The following LDB2 variants were observed in gnomAD, a reference collection of about 807,000 sequenced individuals.
LDB2 encodes the protein LIM domain-binding protein 2.
A neutral mutation model predicts 44.3 loss-of-function variants in LDB2; 12 were observed. The observed-to-expected ratio is 0.27, with a 90% CI of 0.17 to 0.44. The LOEUF (loss-of-function observed/expected upper bound fraction) is 0.44. Among genes scored for constraint, LDB2 ranks in the 20% least tolerant of loss-of-function variants. LDB2 has a pLI of 1.00. For synonymous variants in LDB2, 164 were observed against 174.8 expected (o/e 0.94, Z 0.49); for missense variants, 344 against 473.5 (o/e 0.73, Z 2.54).
intron 2 of LDB2, among the ~76,000 whole-genome samples, chr4:16,626,027 CT>C (rs1730195250): frequency 6.6e-6 from 1 of 152,134 alleles, no homozygotes; most frequent in African/African-American, 2.4e-5. Flanking sequence ...TTAAAGGCCA[CT>C]AGGTAGAGGG....
chr4:16,638,761 ACT>A (rs1734317479), intron 2 of LDB2, among the ~76,000 whole-genome samples: 1 of 152,018 alleles, frequency 6.6e-6, no homozygotes, highest in Admixed American at 6.6e-5. Context: ...TAGGCACCTC[ACT>A]CTTCCTGCTT....
intron 5 of LDB2, among the ~76,000 whole-genome samples, chr4:16,521,055 CTT>C (rs541226586): frequency 3.6e-4 from 55 of 152,280 alleles, no homozygotes; most frequent in Admixed American, 6.5e-4. Flanking sequence ...TCCCAGCTGT[CTT>C]TGCCAACTGG....
intron 1 of LDB2, among the ~76,000 whole-genome samples, chr4:16,812,382 T>C (rs1357415650): frequency 1.3e-5 from 2 of 152,116 alleles, no homozygotes; most frequent in African/African-American, 4.8e-5. Context: ...CAGATATTAA[T>C]TCTGTAGTAG....
intron 2 of LDB2, among the ~76,000 whole-genome samples, chr4:16,617,166 C>T (rs1284913570): frequency 6.6e-6 from 1 of 152,118 alleles, no homozygotes; most frequent in African/African-American, 2.4e-5. Context: ...ACATAACAAA[C>T]CCCAGCCAGA....
intron 1 of LDB2, among the ~76,000 whole-genome samples, chr4:16,856,242 T>G (rs1789325258): frequency 6.6e-6 from 1 of 152,168 alleles, no homozygotes; most frequent in Admixed American, 6.5e-5. Context: ...GAGTGTCAGA[T>G]GAGCTTGAGA....
chr4:16,544,232 A>G (rs1020554397), intron 5 of LDB2, among the ~76,000 whole-genome samples: 4 of 152,226 alleles, frequency 2.6e-5, no homozygotes, highest in Non-Finnish European at 5.9e-5. Context: ...AGAGAACCCT[A>G]TGAACCCTGT....
chr4:16,829,918 G>A (rs158263), intron 1 of LDB2, among the ~76,000 whole-genome samples: 95,543 of 151,880 alleles, frequency 0.63, 30,174 homozygotes, highest in Middle Eastern at 0.72. Context: ...CATCCTGGCC[G>A]ACATGGTGAA....
rs568105604 is a variant in LDB2 at position 16,645,234 on chromosome 4, T to A, written c.236-49359A>T. On this transcript the variant is annotated intron_variant, in intron 2 of 7. Transcript: ENST00000304523. ...AGGTTTCCTTTTACAATAGCTGTAG[T>A]AATTTTAAAAAAGGATTGGTGGCCG... 4.6e-5 allele frequency among the ~76,000 whole-genome samples: 7 copies of A among 152,318 alleles called. No individual in the cohort carries two copies. In the South Asian group the frequency reaches 1.4e-3, roughly 32 times the overall value.
chr4:16,717,026 A>C (rs1198628674), intron 2 of LDB2, among the ~76,000 whole-genome samples: 1 of 152,054 alleles, frequency 6.6e-6, no homozygotes, highest in Non-Finnish European at 1.5e-5. Context: ...TTTTTAAAAG[A>C]CTTTAATATA....
chr4:16,532,413 G>C (rs1730462960), intron 5 of LDB2, among the ~76,000 whole-genome samples: 1 of 152,212 alleles, frequency 6.6e-6, no homozygotes. Context: ...GCAAAAGCTA[G>C]CTTGGCCTTT....
intron 2 of LDB2, among the ~76,000 whole-genome samples, chr4:16,749,927 C>T (rs1765161089): frequency 6.6e-6 from 1 of 152,146 alleles, no homozygotes; most frequent in African/African-American, 2.4e-5. Flanking sequence ...TTCCCAGGCT[C>T]AATCTTTTTC....
At chr4:16,574,242 A>G (rs1042146597) in intron 5 of LDB2, among the ~76,000 whole-genome samples, 4 of 152,254 alleles carry the variant, frequency 2.6e-5, no homozygotes, top group Non-Finnish European at 5.9e-5. Context: ...TTGATGATAC[A>G]GCTTATTTGA....
intron 7 of LDB2, among the ~76,000 whole-genome samples, chr4:16,503,939 A>C (rs560091888): frequency 6.6e-6 from 1 of 152,122 alleles, no homozygotes; most frequent in Non-Finnish European, 1.5e-5. Context: ...AGGGGACCAT[A>C]TGGGGTTGAT....
chr4:16,786,699 A>T (rs1365709408), intron 1 of LDB2, among the ~76,000 whole-genome samples: 5 of 152,156 alleles, frequency 3.3e-5, no homozygotes, highest in Non-Finnish European at 7.4e-5. Flanking sequence ...GGGTCCCCTT[A>T]TTGTTTTCTC....
intron 2 of LDB2, among the ~76,000 whole-genome samples, chr4:16,696,664 C>T (rs1449479010): frequency 1.3e-5 from 2 of 152,060 alleles, no homozygotes; most frequent in East Asian, 1.9e-4. Flanking sequence ...TATTTATTAC[C>T]GGTTTCTGCA....
chr4:16,539,863 T>C (rs1206183037), intron 5 of LDB2, among the ~76,000 whole-genome samples: 9 of 152,178 alleles, frequency 5.9e-5, no homozygotes, highest in Admixed American at 5.9e-4. Context: ...GTCATGTGAC[T>C]AATTCTGGAC....
chr4:16,592,371 G>T (rs1467664225), intron 3 of LDB2, among the ~76,000 whole-genome samples: 1 of 151,378 alleles, frequency 6.6e-6, no homozygotes, highest in Non-Finnish European at 1.5e-5. Context: ...CAGCATGCAT[G>T]GAGTAGTGCT....
intron 2 of LDB2, among the ~76,000 whole-genome samples, chr4:16,739,650 GTGTGTA>G (rs1762692513): frequency 2.0e-5 from 1 of 49,234 alleles, no homozygotes; most frequent in African/African-American, 8.7e-5. Context: ...ATATACATAT[GTGTGTA>G]TATATGTATA....
chr4:16,847,632 T>TG (rs1554047358), intron 1 of LDB2, among the ~76,000 whole-genome samples: 1 of 151,232 alleles, frequency 6.6e-6, no homozygotes, highest in Non-Finnish European at 1.5e-5. Flanking sequence ...TTTGTTTGTT[T>TG]TTTGAGACGG....
Sources: gnomAD v4.1 joint callset for allele counts (sites outside exome capture counted in the v4.1 genomes callset) on GRCh38, gnomAD v4.1.1 for gene constraint, MANE v1.5 for transcripts, NCBI Gene and HGNC (gene_info 2026-07-23, HGNC 2026-07-21) for gene names.